PALM: variants seen among roughly 807,000 people sequenced by gnomAD.
PALM encodes paralemmin.
A neutral mutation model predicts 30.7 loss-of-function variants in PALM; 18 were observed. The observed-to-expected ratio is 0.59, with a 90% CI of 0.41 to 0.87. The LOEUF (loss-of-function observed/expected upper bound fraction) is 0.87. PALM is among the 40% of genes least tolerant of loss of function. The pLI, the probability that PALM is intolerant of heterozygous loss-of-function variation, is 0.00. For synonymous variants in PALM, 286 were observed against 242.8 expected, an observed-to-expected ratio of 1.18 and a Z score of -1.66; for missense variants, 529 against 555.4, an observed-to-expected ratio of 0.95 and a Z score of 0.48.
chr19:742,229 C>T lies in PALM; in HGVS notation c.634+1746C>T, dbSNP rs2033214366. 6.6e-6 allele frequency among the ~76,000 whole-genome samples: 1 copy of T among 152,108 alleles called. No individual in the cohort carries two copies. The highest frequency in any genetic ancestry group is 6.6e-5 in the Admixed American group (1 of 15,252). On this transcript the variant is annotated intron_variant, in intron 8 of 8. Coordinates refer to ENST00000338448, the MANE Select transcript of PALM (RefSeq NM_002579.3). This position sits in a 1 kb window ranked among gnomAD's most constrained non-coding sequence, Gnocchi z 5.5. The stretch of plus-strand genomic sequence containing the variant: ...CCTGTCCCCTCCCCAGTCAGCGTCA[C>T]TCCCTATCCCCTCCCCAGCTCTGGC...
chr19:740,202 C>T (rs1165272995), intron 7 of PALM, 150 bp from the exon 8 acceptor site: 6 of 718,568 alleles, frequency 8.3e-6, no homozygotes, highest in Middle Eastern at 3.1e-4. Context: ...AGGGCCGCGT[C>T]GAGAAGGTGC....
At chr19:711,735 A>G (rs1241812733) in intron 1 of PALM, among the ~76,000 whole-genome samples, 1 of 152,150 alleles carries the variant, frequency 6.6e-6, no homozygotes, top group African/African-American at 2.4e-5. Flanking sequence ...TTTGATTTAC[A>G]CTGGAGTGGT....
chr19:739,491 G>A (rs2096181824), intron 7 of PALM, among the ~76,000 whole-genome samples: 1 of 151,934 alleles, frequency 6.6e-6, no homozygotes, highest in African/African-American at 2.4e-5. Context: ...ACCAGCCTGG[G>A]CAACATAGTG....
chr19:710,598 C>T (rs1348611246), intron 1 of PALM, among the ~76,000 whole-genome samples: 1 of 152,080 alleles, frequency 6.6e-6, no homozygotes, highest in Non-Finnish European at 1.5e-5. Flanking sequence ...TGTTTCCTTC[C>T]TGCCACCCCT....
intron 7 of PALM, among the ~76,000 whole-genome samples, chr19:739,641 G>A (rs933175959): frequency 1.3e-5 from 2 of 151,954 alleles, no homozygotes; most frequent in African/African-American, 2.4e-5. Context: ...TGATCGTGCC[G>A]CTCCACTCCA....
At chr19:738,177 G>A (rs2033078337) in intron 7 of PALM, among the ~76,000 whole-genome samples, 1 of 152,066 alleles carries the variant, frequency 6.6e-6, no homozygotes, top group East Asian at 1.9e-4. Flanking sequence ...GATCATTTGA[G>A]GTCAGGAGTT....
chr19:726,876 C>G, intron 2 of PALM, 132 bp from the exon 3 acceptor site: 2 of 633,316 alleles, frequency 3.2e-6, no homozygotes, highest in South Asian at 3.7e-5. Context: ...CCGCTGTCAC[C>G]TGGAAGCCAG....
chr19:710,188 GTGTT>G (rs1471413495), intron 1 of PALM, among the ~76,000 whole-genome samples: 2 of 152,180 alleles, frequency 1.3e-5, no homozygotes, highest in Non-Finnish European at 2.9e-5. Context: ...CCCACTGGGC[GTGTT>G]TTCTAAGCCG....
chr19:722,110 G>A (rs11666217), intron 1 of PALM, among the ~76,000 whole-genome samples: 130,077 of 151,154 alleles, frequency 0.86, 56,047 homozygotes, highest in East Asian at 0.98. Flanking sequence ...AGTAGAGACG[G>A]GGTTTCACCG....
intron 1 of PALM, among the ~76,000 whole-genome samples, chr19:720,552 C>A (rs1398885827): frequency 9.2e-6 from 1 of 108,358 alleles, no homozygotes; most frequent in Non-Finnish European, 1.8e-5. Flanking sequence ...GCGCCCGGGC[C>A]TGGGGAGAGT....
chr19:724,909 C>T (rs1315289246), intron 1 of PALM, among the ~76,000 whole-genome samples: 1 of 151,710 alleles, frequency 6.6e-6, no homozygotes, highest in South Asian at 2.1e-4. Context: ...CAGGCGTGAG[C>T]AGCTGTGGTT....
Position 727,081 on chromosome 19 carries a change from A to G in PALM, c.131A>G (p.His44Arg). 6.7e-7 allele frequency: 1 copy of G among 1,503,466 alleles called. No individual in the cohort carries two copies. Among genetic ancestry groups the G allele is most frequent in the Non-Finnish European group, 9.0e-7 (1 of 1,116,576 alleles). The allele number at this position is 1,503,466 out of a possible 1,614,324, so 93.1% of individuals were successfully genotyped here. A position where few individuals can be genotyped will look rare whatever the true frequency, so the allele number is the denominator to read the frequency against. Residue 44 changes from histidine to arginine, a missense_variant, in exon 3 of 9, where the codon CAC becomes CGC. Physicochemically the swap from His to Arg is conservative, Grantham distance 29 (BLOSUM62 0). Transcript: ENST00000338448. ...QLEDERRQLQ[H>R]LKSKALRERW... ...GAGGACGAGCGGAGGCAGCTGCAGCACCTGAAGGTACGAGCGGGGCAGGGA... is the reference window on the plus strand; with the variant it reads ...GAGGACGAGCGGAGGCAGCTGCAGCGCCTGAAGGTACGAGCGGGGCAGGGA...
At chr19:732,766 T>C (rs532078791) in intron 5 of PALM, among the ~76,000 whole-genome samples, 3 of 151,384 alleles carry the variant, frequency 2.0e-5, no homozygotes, top group South Asian at 2.1e-4. Flanking sequence ...ATGGCGTGTA[T>C]TGGGGACCAC....
chr19:729,705 G>A (rs894197339), intron 4 of PALM, among the ~76,000 whole-genome samples: 227 of 151,948 alleles, frequency 1.5e-3, no homozygotes, highest in African/African-American at 5.2e-3. Flanking sequence ...CAGCTGATCC[G>A]CCCGCCTCTG....
At chr19:721,624 T>C (rs2032485926) in intron 1 of PALM, among the ~76,000 whole-genome samples, 1 of 150,932 alleles carries the variant, frequency 6.6e-6, no homozygotes, top group Non-Finnish European at 1.5e-5. Context: ...TGAGACAGAG[T>C]TTCTCTCTTG....
intron 1 of PALM, among the ~76,000 whole-genome samples, chr19:714,989 T>A (rs1333248230): frequency 6.6e-6 from 1 of 152,074 alleles, no homozygotes; most frequent in Admixed American, 6.6e-5. Context: ...ATGGGCCGGG[T>A]GCAGTGGCTT....
At chr19:738,647 A>T (rs1265131593) in intron 7 of PALM, among the ~76,000 whole-genome samples, 1 of 151,952 alleles carries the variant, frequency 6.6e-6, no homozygotes, top group African/African-American at 2.4e-5. Context: ...GCCCCTGTGG[A>T]TAGGGGCTGA....
chr19:727,610 C>T lies in PALM; in HGVS notation c.185C>T (p.Ser62Leu), dbSNP rs373149351. The part of the protein sequence containing the change: ...ERWLLEGTPS[S>L]ASEGDEDLRR... ...TGGCTGCTGGAGGGGACGCCGTCCT[C>T]GGCCTCAGAGGGGGATGAGGACCTG... Residue 62 changes from serine (S) to leucine (L), a missense_variant, in exon 4 of 9, where the codon TCG becomes TTG. Ser to Leu is a moderately radical substitution (Grantham distance 145). Coordinates refer to ENST00000338448, the MANE Select transcript of PALM (RefSeq NM_002579.3). The T allele has an allele frequency of 1.5e-5, 23 of 1,581,092 alleles. No homozygotes were observed. Among genetic ancestry groups the T allele is most frequent in the East Asian group, 9.2e-5 (4 of 43,354 alleles).
intron 6 of PALM, among the ~76,000 whole-genome samples, chr19:735,286 TG>T (rs1249565601): frequency 1.4e-5 from 2 of 138,714 alleles, no homozygotes; most frequent in Non-Finnish European, 1.5e-5. Flanking sequence ...TCTGTGTGTC[TG>T]GGGGCCCAGG....
Sources: allele counts gnomAD v4.1 joint callset (sites outside exome capture counted in the v4.1 genomes callset), GRCh38; gene constraint gnomAD v4.1.1; non-coding constraint Gnocchi (gnomAD v3.1); transcripts MANE v1.5; gene names NCBI Gene and HGNC (gene_info 2026-07-23, HGNC 2026-07-21).